Variants in BPIFC observed in about 807,000 individuals in gnomAD.
BPIFC encodes BPI fold-containing family C protein.
BPIFC carries 60 observed loss-of-function variants against 57.6 expected under a neutral mutation model. The ratio of observed to expected loss-of-function variants is 1.04; its 90% CI spans 0.85 to 1.29. The LOEUF is 1.29. Among genes scored for constraint, BPIFC ranks in the 50% most tolerant of loss-of-function variants. BPIFC has a pLI of 0.00. For synonymous variants in BPIFC, 243 were observed against 224.5 expected (o/e 1.08, Z -0.74); for missense variants, 581 against 600.5 (o/e 0.97, Z 0.34).
In BPIFC at chr22:32,445,966, G is replaced by A. The variant is rs746095537; in HGVS notation, c.405C>T (p.Leu135=). The change falls in exon 6 of 17, where the codon CTC becomes CTT. Residue 135 remains leucine, a synonymous_variant. Coordinates refer to ENST00000300399, the MANE Select transcript of BPIFC (RefSeq NM_174932.3). The part of the protein sequence containing the change: ...FQDTGGADLF[L]SGVYFTGIII... ...TGATACCGGTAAAGTAGACTCCGGA[G>A]AGAAACAGATCAGCCCCTCCTGTGT... The A allele has an allele frequency of 6.2e-7, 1 of 1,614,150 alleles. No individual in the cohort carries two copies. The highest frequency in any genetic ancestry group is 8.5e-7 in the Non-Finnish European group (1 of 1,180,036).
intron 13 of BPIFC, among the ~76,000 whole-genome samples, chr22:32,424,642 CTCTTCT>C (rs796330210): frequency 0.021 from 604 of 28,772 alleles, 83 homozygotes; most frequent in African/African-American, 0.057. Context: ...TCTTCTTCTT[CTCTTCT>C]TCTTCTTCTT....
At chr22:32,432,316 C>T in intron 12 of BPIFC, 57 bp downstream of exon 12, 1 of 1,579,360 alleles carries the variant, frequency 6.3e-7, no homozygotes, top group Non-Finnish European at 8.7e-7. Context: ...GGCCAACAGT[C>T]CACAGCAGGA....
intron 16 of BPIFC, 117 bp from the exon 17 acceptor site, chr22:32,414,542 CAAAGG>C: frequency 7.8e-7 from 1 of 1,282,040 alleles, no homozygotes. Context: ...GATGGAGTCT[CAAAGG>C]CTGTCGCCCA....
chr22:32,439,477 C>A (rs1329669867), intron 8 of BPIFC, among the ~76,000 whole-genome samples: 1 of 152,156 alleles, frequency 6.6e-6, no homozygotes, highest in Non-Finnish European at 1.5e-5. Flanking sequence ...ACTCCCTGTT[C>A]TAGAGAAAGT....
At chr22:32,434,071 C>A (rs1934318563) in intron 10 of BPIFC, among the ~76,000 whole-genome samples, 1 of 120,228 alleles carries the variant, frequency 8.3e-6, no homozygotes, top group African/African-American at 3.2e-5. Context: ...TGTAGTACAA[C>A]AAAGTTTTAG....
At position 32,432,534 on chromosome 22, in the gene BPIFC, T is replaced by G. The variant is rs1342268914; in HGVS notation, c.988A>C (p.Ile330Leu). 1 of 1,613,744 alleles carries G rather than the reference T, an allele frequency of 6.2e-7. No individual in the cohort carries two copies. Among genetic ancestry groups the G allele is most frequent in the South Asian group, 1.1e-5 (1 of 91,052 alleles). Residue 330 changes from isoleucine to leucine, a missense_variant, in exon 12 of 17, where the codon ATC becomes CTC. Physicochemically the swap from Ile to Leu is conservative, Grantham distance 5. Transcript: ENST00000300399. ...ATGAAGGGCTGGGACAAGATGTAGA[T>G]CTCTGCAATCTGCCCACATTCCGAG... ...LGNVLSRIAE[I>L]YILSQPFMVR...
Position 32,437,831 on chromosome 22 carries a change from A to G in BPIFC, c.676T>C (p.Tyr226His), listed in dbSNP as rs775025995. Residue 226 changes from tyrosine (Y) to histidine (H), a missense_variant, in exon 9 of 17, where the codon TAC (tyrosine) becomes CAC (histidine). By Grantham distance (83) the Tyr-to-His change is moderately conservative (BLOSUM62 2). Transcript: ENST00000300399. ...ATTAGGGAGTAATCCAGCAGAGTGT[A>G]GTTGTCAATCTTGGTTAAAACTAAA... is the stretch of plus-strand genomic sequence containing the variant. ...TLEVLTKIDN[Y>H]TLLDYSLISS... 4 of 1,611,042 alleles carry G rather than the reference A, an allele frequency of 2.5e-6. No individual in the cohort carries two copies. In the African/African-American group the frequency reaches 4.0e-5, roughly 16 times the overall value.
At position 32,432,411 on chromosome 22, in the gene BPIFC, T is replaced by G; in HGVS notation, c.1111A>C (p.Lys371Gln). 1.2e-6 allele frequency: 2 copies of G among 1,614,054 alleles called. No homozygotes were observed. The highest frequency in any genetic ancestry group is 1.7e-6 in the Non-Finnish European group (2 of 1,180,024). ...ACGATGGTTTCAACTGTGGAGTTCT[T>G]GGGTTGGGTGAGCATCATGATGGAG... is the stretch of plus-strand genomic sequence containing the variant. Reference protein sequence around the residue: ...PASIMMLTQPKNSTVETIVSM... With the variant: ...PASIMMLTQPQNSTVETIVSM... Residue 371 changes from lysine (K) to glutamine (Q), a missense_variant, in exon 12 of 17, where the codon AAG becomes CAG. Transcript: ENST00000300399.
rs1405778871 is a variant in BPIFC, at chr22:32,436,363, AGGAGGAGGAGGAGG to A, written c.748-497_748-484del. On this transcript the variant is annotated intron_variant, in intron 9 of 16. Transcript: ENST00000300399. Reference sequence around the variant, plus strand: ...GAAGAGGAAGAGGAGGAGGAGGAGGAGGAGGAGGAGGAGGAAGAGGAGGAGGAGGAAGAGGAGGA... The same window carrying A: ...GAAGAGGAAGAGGAGGAGGAGGAGGAAAGAGGAGGAGGAGGAAGAGGAGGA... 3.4e-3 allele frequency among the ~76,000 whole-genome samples: 340 copies of A among 98,884 alleles called. 3 individuals carry two copies. The highest frequency in any genetic ancestry group is 0.01 in the African/African-American group (326 of 31,788). The allele number at this position is 98,884 out of a possible 152,430, so 64.9% of individuals were successfully genotyped here.
At position 32,451,485 on chromosome 22, in the gene BPIFC, T is replaced by C. The variant is rs1006998044; in HGVS notation, c.245+1898A>G. On this transcript the variant is annotated intron_variant, in intron 4 of 16. Transcript: ENST00000300399. ...ACATGTTCTCACTCATAGGTGGGAA[T>C]TGAACATTGAGAACACTTGGACACA... 3.9e-5 allele frequency among the ~76,000 whole-genome samples: 6 copies of C among 152,204 alleles called. No individual in the cohort carries two copies. The East Asian group carries it at 7.7e-4, about 20-fold the overall frequency.
Position 32,445,860 on chromosome 22 carries a change from A to G in BPIFC, c.511T>C (p.Ser171Pro). Residue 171 changes from serine to proline, a missense_variant, in exon 6 of 17, where the codon TCA (serine) becomes CCA (proline). Physicochemically the swap from Ser to Pro is moderately conservative, Grantham distance 74. Transcript: ENST00000300399. ...ATTCACCTGAGTTCTCCGGAAAATG[A>G]GACGTGGGCATGGCTCAGTTGGGCG... The part of the protein sequence containing the change: ...CYAQLSHAHV[S>P]FSGELSVLYN... 6.2e-7 allele frequency: 1 copy of G among 1,614,068 alleles called. No individual in the cohort carries two copies. The highest frequency in any genetic ancestry group is 8.5e-7 in the Non-Finnish European group (1 of 1,180,030).
intron 13 of BPIFC, among the ~76,000 whole-genome samples, chr22:32,422,585 T>G (rs536298047): frequency 6.6e-6 from 1 of 152,032 alleles, no homozygotes; most frequent in African/African-American, 2.4e-5. Flanking sequence ...CACGTGCCAG[T>G]AATCCCCAGC....
intron 4 of BPIFC, among the ~76,000 whole-genome samples, chr22:32,448,891 C>T (rs1027238670): frequency 2.0e-5 from 3 of 151,636 alleles, no homozygotes; most frequent in South Asian, 2.1e-4. Context: ...GAGCCGAGAT[C>T]GCCCCACTGC....
intron 13 of BPIFC, among the ~76,000 whole-genome samples, chr22:32,429,941 T>A (rs1934192153): frequency 6.6e-6 from 1 of 152,180 alleles, no homozygotes; most frequent in African/African-American, 2.4e-5. Flanking sequence ...TTCCTTTTCT[T>A]CCATACATTT....
chr22:32,413,900 T>C lies in BPIFC; in HGVS notation c.*403A>G, dbSNP rs374878210. ...ACACAGAAGATAGTAACAGTGAATA[T>C]AAAACATGAAAACCAATATGCAGGT... On this transcript the variant is annotated 3_prime_UTR_variant, in exon 17 of 17. Coordinates refer to ENST00000300399, the MANE Select transcript of BPIFC (RefSeq NM_174932.3). 4 of 153,066 alleles carry C rather than the reference T, an allele frequency of 2.6e-5. No individual in the cohort carries two copies. The highest frequency in any genetic ancestry group is 4.4e-5 in the Non-Finnish European group (3 of 68,690). 9.5% of individuals were successfully genotyped at this position (153,066 alleles called of 1,614,324 possible).
intron 8 of BPIFC, 141 bp downstream of exon 8, chr22:32,442,530 C>T: frequency 9.0e-6 from 7 of 780,664 alleles, no homozygotes; most frequent in Non-Finnish European, 1.5e-5. Flanking sequence ...TCCTCCCAAG[C>T]ACCTTCCCGG....
chr22:32,433,494 G>A (rs16990451), intron 11 of BPIFC, among the ~76,000 whole-genome samples: 1,548 of 152,218 alleles, frequency 0.01, 28 homozygotes, highest in African/African-American at 0.035. Flanking sequence ...TGGAAGGCAC[G>A]GTGATTTATT....
chr22:32,455,946 C>T (rs1386095353), intron 3 of BPIFC, among the ~76,000 whole-genome samples: 2 of 152,204 alleles, frequency 1.3e-5, no homozygotes, highest in African/African-American at 2.4e-5. Context: ...CATGGATGAT[C>T]CCGTTTGATC....
chr22:32,416,640 G>A (rs1750372179), intron 15 of BPIFC, among the ~76,000 whole-genome samples: 1 of 152,224 alleles, frequency 6.6e-6, no homozygotes, highest in Non-Finnish European at 1.5e-5. Context: ...GACTCCAGAT[G>A]CTGCAGTTTA....
Sources: allele counts gnomAD v4.1 joint callset (sites outside exome capture counted in the v4.1 genomes callset), GRCh38; gene constraint gnomAD v4.1.1; transcripts MANE v1.5; gene names NCBI Gene and HGNC (gene_info 2026-07-23, HGNC 2026-07-21).